Variants in COL4A3 observed in about 807,000 individuals in gnomAD.
COL4A3 encodes collagen type IV alpha 3 chain.
In COL4A3, 135 loss-of-function variants were observed where a neutral mutation model predicts 217.4. The ratio of observed to expected loss-of-function variants is 0.62; its 90% CI spans 0.54 to 0.72. COL4A3 has a LOEUF of 0.72. Ranked by LOEUF, COL4A3 falls within the 30% of genes least tolerant of loss-of-function variation. The probability of loss-of-function intolerance (pLI) is 0.00; values close to 1 mark genes in which losing one functional copy is unlikely to be tolerated. For missense variants in COL4A3, 1,868 were observed against 2,119.9 expected (o/e 0.88, Z 2.33); for synonymous variants, 690 against 736.3 (o/e 0.94, Z 1.02).
At chr2:227,229,289 T>C (rs958131928) in intron 1 of COL4A3, among the ~76,000 whole-genome samples, 4 of 152,212 alleles carry the variant, frequency 2.6e-5, no homozygotes, top group Admixed American at 1.3e-4. Context: ...TCAAGTACCA[T>C]TGGGGTCTCT....
chr2:227,189,363 G>A (rs968217363), intron 1 of COL4A3, among the ~76,000 whole-genome samples: 3 of 152,154 alleles, frequency 2.0e-5, no homozygotes, highest in Admixed American at 6.5e-5. Context: ...CAGAGGCAAG[G>A]TGTGGTGGTG....
chr2:227,245,081 G>A, intron 5 of COL4A3, 86 bp downstream of exon 5: 4 of 1,264,382 alleles, frequency 3.2e-6, no homozygotes, highest in Non-Finnish European at 4.6e-6. Context: ...GCAAGAAAAT[G>A]TGTTCTGATG....
At chr2:227,293,159 G>A in intron 37 of COL4A3, 32 bp from the exon 38 acceptor site, 1 of 1,613,300 alleles carries the variant, frequency 6.2e-7, no homozygotes, top group Non-Finnish European at 8.5e-7. Flanking sequence ...CTGCTTATAT[G>A]AGAATTTTAA....
intron 1 of COL4A3, among the ~76,000 whole-genome samples, chr2:227,184,836 C>CTCTAG (rs1553731947): frequency 6.8e-6 from 1 of 147,142 alleles, no homozygotes; most frequent in Non-Finnish European, 1.5e-5. Context: ...GAAAAATTCT[C>CTCTAG]TCTAAACTTG....
At chr2:227,296,420 A>T in intron 41 of COL4A3, 1 of 774,600 alleles carries the variant, frequency 1.3e-6, no homozygotes, top group Non-Finnish European at 1.6e-6. Flanking sequence ...CCTTAGGTTT[A>T]AAAGCCTTAA....
At chr2:227,300,331 G>T (rs532155445) in intron 43 of COL4A3, among the ~76,000 whole-genome samples, 1 of 152,202 alleles carries the variant, frequency 6.6e-6, no homozygotes, top group South Asian at 2.1e-4. Context: ...CTCATGAACT[G>T]CTACTAAGTT....
At chr2:227,198,417 A>C (rs2125726091) in intron 1 of COL4A3, among the ~76,000 whole-genome samples, 1 of 152,372 alleles carries the variant, frequency 6.6e-6, no homozygotes, top group Non-Finnish European at 1.5e-5. Context: ...TTTATGAAGA[A>C]CATAAACCAT....
chr2:227,230,928 C>G (rs1378430935), intron 1 of COL4A3, among the ~76,000 whole-genome samples: 1 of 152,200 alleles, frequency 6.6e-6, no homozygotes, highest in Non-Finnish European at 1.5e-5. Context: ...CAATCAGGTG[C>G]AGCATCTACA....
At chr2:227,204,093 C>T (rs1022631840) in intron 1 of COL4A3, among the ~76,000 whole-genome samples, 2 of 152,078 alleles carry the variant, frequency 1.3e-5, no homozygotes, top group Non-Finnish European at 2.9e-5. Flanking sequence ...TATTAAGTGG[C>T]ATCTTAATAA....
At chr2:227,201,986 TG>T (rs1318897900) in intron 1 of COL4A3, among the ~76,000 whole-genome samples, 2 of 152,202 alleles carry the variant, frequency 1.3e-5, no homozygotes, top group Non-Finnish European at 2.9e-5. Flanking sequence ...ACCATTAACC[TG>T]AATGCTGGTA....
At chr2:227,173,875 T>G (rs1266860169) in intron 1 of COL4A3, among the ~76,000 whole-genome samples, 1 of 152,208 alleles carries the variant, frequency 6.6e-6, no homozygotes, top group African/African-American at 2.4e-5. Context: ...TCAATTCAAA[T>G]GAGCCACATT....
intron 25 of COL4A3, 112 bp from the exon 26 acceptor site, chr2:227,272,837 A>T: frequency 8.7e-7 from 1 of 1,152,922 alleles, no homozygotes; most frequent in Non-Finnish European, 1.3e-6. Flanking sequence ...AAATGCTTTT[A>T]ATTCAAGATC....
intron 20 of COL4A3, among the ~76,000 whole-genome samples, chr2:227,261,790 C>T (rs573457109): frequency 2.6e-5 from 4 of 152,288 alleles, no homozygotes; most frequent in Admixed American, 6.5e-5. Context: ...GTTTTCATAA[C>T]ATATCATGAG....
At chr2:227,194,036 G>A (rs2066370088) in intron 1 of COL4A3, among the ~76,000 whole-genome samples, 1 of 45,302 alleles carries the variant, frequency 2.2e-5, no homozygotes, top group African/African-American at 8.4e-5. Context: ...GGAAGGAAGG[G>A]GAGAGAAAGA....
At position 227,290,853 on chromosome 2, in the gene COL4A3, A is replaced by C. The variant is rs2072651820; in HGVS notation, c.3177A>C (p.Ser1059=). 6.2e-7 allele frequency: 1 copy of C among 1,613,596 alleles called. No homozygotes were observed. Among genetic ancestry groups the C allele is most frequent in the African/African-American group, 1.3e-5 (1 of 74,994 alleles). The change falls in exon 37 of 52, where the codon TCA becomes TCC. Residue 1059 remains serine (S), a synonymous_variant. Transcript: ENST00000396578. The part of the protein sequence containing the change: ...LQGDKGEPGY[S]EGTRPGPPGP... ...GAGATAAGGGAGAGCCAGGTTATTCAGAAGGTACAAGGCCAGGACCACCGG... is the reference window on the plus strand; with the variant it reads ...GAGATAAGGGAGAGCCAGGTTATTCCGAAGGTACAAGGCCAGGACCACCGG...
At position 227,260,968 on chromosome 2, in the gene COL4A3, A is replaced by T. The variant is rs1258900840; in HGVS notation, c.1115-114A>T. ...TTTGTCTAGGTGAGAGTAGGAAAAA[A>T]GTATGAAAACTCTGTATTATTAACT... On this transcript the variant is annotated intron_variant, in intron 19 of 51. Coordinates refer to ENST00000396578, the MANE Select transcript of COL4A3 (RefSeq NM_000091.5). 1.9e-5 allele frequency: 16 copies of T among 854,754 alleles called. No individual in the cohort carries two copies. The Admixed American group carries it at 3.2e-4, about 17-fold the overall frequency. 52.9% of individuals were successfully genotyped at this position (854,754 alleles called of 1,614,324 possible). A position where few individuals can be genotyped will look rare whatever the true frequency, so the allele number is the denominator to read the frequency against.
At chr2:227,245,470 T>G (rs113614639) in intron 5 of COL4A3, among the ~76,000 whole-genome samples, 2,993 of 152,270 alleles carry the variant, frequency 0.02, 94 homozygotes, top group African/African-American at 0.069. Context: ...CCATTCTATA[T>G]AAGAGACTTG....
intron 4 of COL4A3, chr2:227,244,741 C>T (rs906437241): frequency 4.1e-6 from 3 of 739,136 alleles, no homozygotes; most frequent in Non-Finnish European, 7.2e-6. Flanking sequence ...CAAAAATAAT[C>T]TTAATGATAT....
chr2:227,254,223 T>G, intron 14 of COL4A3, 49 bp downstream of exon 14: 1 of 1,519,946 alleles, frequency 6.6e-7, no homozygotes, highest in Non-Finnish European at 9.1e-7. Flanking sequence ...AAGTAGAGCC[T>G]TAGTATTTAC....
Sources: gnomAD v4.1 joint callset for allele counts (sites outside exome capture counted in the v4.1 genomes callset) on GRCh38, gnomAD v4.1.1 for gene constraint, MANE v1.5 for transcripts, NCBI Gene and HGNC (gene_info 2026-07-23, HGNC 2026-07-21) for gene names.